The following HTT-AS variants were observed in gnomAD, a reference collection of about 807,000 sequenced individuals.
HTT-AS encodes HTT antisense RNA (head to head).
intron 2 of HTT-AS, among the ~76,000 whole-genome samples, chr4:3,060,994 C>G (rs1711916363): frequency 6.6e-6 from 1 of 152,246 alleles, no homozygotes; most frequent in African/African-American, 2.4e-5. Context: ...GCACCCCTCT[C>G]TCTCTATAGG....
intron 1 of HTT-AS, among the ~76,000 whole-genome samples, chr4:3,066,791 CT>C (rs1177112165): frequency 1.3e-5 from 2 of 152,186 alleles, no homozygotes; most frequent in South Asian, 2.1e-4. Flanking sequence ...AAATGACTCT[CT>C]AATAAATTTC....
exon 2 of HTT-AS, chr4:3,063,363 C>T (rs536047127): frequency 4.6e-5 from 7 of 152,468 alleles, no homozygotes; most frequent in African/African-American, 7.2e-5. Flanking sequence ...TCTTGTAGGA[C>T]GACAGAGATG....
chr4:3,068,111 C>G (rs1223610799), intron 1 of HTT-AS, among the ~76,000 whole-genome samples: 1 of 151,392 alleles, frequency 6.6e-6, no homozygotes, highest in Non-Finnish European at 1.5e-5. Context: ...CAAGACCATC[C>G]TGGCTAACAT....
chr4:3,057,902 C>T (rs746447639), intron 2 of HTT-AS, among the ~76,000 whole-genome samples: 64 of 151,264 alleles, frequency 4.2e-4, no homozygotes, highest in Middle Eastern at 3.4e-3. Flanking sequence ...GGATTACAGG[C>T]GTGAGCCACC....
intron 2 of HTT-AS, among the ~76,000 whole-genome samples, chr4:3,052,173 T>G (rs146290799): frequency 1.1e-4 from 16 of 152,338 alleles, no homozygotes; most frequent in Middle Eastern, 3.4e-3. Flanking sequence ...TACTTTCTAA[T>G]TGATATTTGG....
At chr4:3,071,507 A>G (rs1053249069) in intron 1 of HTT-AS, among the ~76,000 whole-genome samples, 1 of 152,164 alleles carries the variant, frequency 6.6e-6, no homozygotes, top group Non-Finnish European at 1.5e-5. Context: ...TAGCTAGCTG[A>G]AGGAAGGACA....
chr4:3,062,384 G>C (rs1287277225), intron 2 of HTT-AS, among the ~76,000 whole-genome samples: 1 of 152,010 alleles, frequency 6.6e-6, no homozygotes, highest in Non-Finnish European at 1.5e-5. Context: ...AAACCTCATG[G>C]TTTTCCCTGT....
chr4:3,061,554 C>T (rs900862403), intron 2 of HTT-AS, among the ~76,000 whole-genome samples: 3 of 151,730 alleles, frequency 2.0e-5, no homozygotes, highest in African/African-American at 4.8e-5. Flanking sequence ...TGGTGGCGGG[C>T]GCCTGTAATC....
chr4:3,050,147 C>T (rs572189298), intron 2 of HTT-AS, among the ~76,000 whole-genome samples: 1 of 152,236 alleles, frequency 6.6e-6, no homozygotes, highest in African/African-American at 2.4e-5. Context: ...ACAAGGTGGC[C>T]GTCCTGGTTC....
exon 1 of HTT-AS, chr4:3,074,529 C>A: frequency 3.4e-6 from 1 of 292,964 alleles, no homozygotes; most frequent in Non-Finnish European, 6.0e-6. Flanking sequence ...GAGGCAGAAC[C>A]TGCGGGGGCA....
exon 2 of HTT-AS, among the ~76,000 whole-genome samples, chr4:3,063,253 G>A (rs1368240860): frequency 4.6e-5 from 7 of 152,322 alleles, no homozygotes; most frequent in Middle Eastern, 3.4e-3. Context: ...GAAAGTCAGC[G>A]TGGCTTGGGA....
chr4:3,074,214 C>A (rs1427346374), intron 1 of HTT-AS, among the ~76,000 whole-genome samples: 1 of 129,660 alleles, frequency 7.7e-6, no homozygotes, highest in East Asian at 2.3e-4. Flanking sequence ...ATGTCCCCGT[C>A]CCCAGCATCG....
chr4:3,054,092 T>C (rs184022309), intron 2 of HTT-AS, among the ~76,000 whole-genome samples: 1 of 152,142 alleles, frequency 6.6e-6, no homozygotes, highest in Non-Finnish European at 1.5e-5. Context: ...ATAAACTGCT[T>C]TGACTTTTCT....
intron 2 of HTT-AS, among the ~76,000 whole-genome samples, chr4:3,049,858 T>C (rs1223537963): frequency 6.6e-6 from 1 of 151,208 alleles, no homozygotes; most frequent in Admixed American, 6.6e-5. Flanking sequence ...CTTTATAAAA[T>C]ATGTAAATAG....
chr4:3,065,545 G>C (rs1712031677), intron 1 of HTT-AS, among the ~76,000 whole-genome samples: 1 of 152,148 alleles, frequency 6.6e-6, no homozygotes, highest in Non-Finnish European at 1.5e-5. Flanking sequence ...CCTTAATACT[G>C]ATGCTTATTG....
intron 1 of HTT-AS, among the ~76,000 whole-genome samples, chr4:3,071,259 G>T (rs1341407626): frequency 2.0e-5 from 3 of 152,158 alleles, no homozygotes; most frequent in Non-Finnish European, 4.4e-5. Flanking sequence ...AGGCCAGGCT[G>T]GAATGACAAC....
At chr4:3,054,240 T>C (rs1344595423) in intron 2 of HTT-AS, among the ~76,000 whole-genome samples, 1 of 151,492 alleles carries the variant, frequency 6.6e-6, no homozygotes, top group Non-Finnish European at 1.5e-5. Flanking sequence ...TATGGTAAAT[T>C]CTTGCCCTAA....
intron 1 of HTT-AS, among the ~76,000 whole-genome samples, chr4:3,070,624 T>C (rs1020926782): frequency 3.9e-5 from 6 of 152,146 alleles, no homozygotes; most frequent in African/African-American, 7.2e-5. Flanking sequence ...GTTTTTTCTT[T>C]AGAATGGGGG....
rs183713316 is a variant in HTT-AS at position 3,060,514 on chromosome 4, C to T, written n.1380+1920G>A. On this transcript the variant is annotated intron_variant and non_coding_transcript_variant, in intron 2 of 2. Coordinates refer to ENST00000664062, the Ensembl canonical transcript of HTT-AS. ...GAGGGTGCACACCTGTGATGATATA[C>T]GAGTTAAAAAGAAATTATTTAGGCA... Among the ~76,000 whole-genome samples, 58 of 152,242 alleles carry T rather than the reference C, an allele frequency of 3.8e-4. 1 individual carries two copies. The highest frequency in any genetic ancestry group is 1.3e-3 in the African/African-American group (55 of 41,538).
Sources: allele counts gnomAD v4.1 joint callset (sites outside exome capture counted in the v4.1 genomes callset), GRCh38; gene constraint gnomAD v4.1.1; transcripts MANE v1.5; gene names NCBI Gene and HGNC (gene_info 2026-07-23, HGNC 2026-07-21).